CCDC68: variants seen among roughly 807,000 people sequenced by gnomAD.
CCDC68 encodes coiled-coil domain containing 68, also known as coiled-coil domain-containing protein 68.
CCDC68 carries 45 observed loss-of-function variants against 47.1 expected under a neutral mutation model. The ratio of observed to expected loss-of-function variants is 0.96; its 90% CI spans 0.75 to 1.23. CCDC68 has a LOEUF of 1.23. Ranked by LOEUF, CCDC68 falls within the 50% of genes most tolerant of loss-of-function variation. The probability of loss-of-function intolerance (pLI) is 0.00; values close to 1 mark genes in which losing one functional copy is unlikely to be tolerated. For synonymous variants in CCDC68, 131 were observed against 129.5 expected (o/e 1.01, Z -0.08); for missense variants, 353 against 373.6 (o/e 0.94, Z 0.45).
At chr18:54,945,223 G>A (rs2044505770) in intron 2 of CCDC68, among the ~76,000 whole-genome samples, 165 bp downstream of exon 2, 1 of 152,078 alleles carries the variant, frequency 6.6e-6, no homozygotes, top group Admixed American at 6.5e-5. Context: ...AGTCTATAGG[G>A]TTCATTGTAT....
intron 2 of CCDC68, among the ~76,000 whole-genome samples, chr18:54,944,776 T>G (rs545061240): frequency 3.5e-4 from 53 of 152,330 alleles, no homozygotes; most frequent in African/African-American, 1.2e-3. Flanking sequence ...TTTGCAACCC[T>G]TGATGAAGTA....
intron 8 of CCDC68, among the ~76,000 whole-genome samples, chr18:54,920,040 T>C (rs1221359197): frequency 6.6e-6 from 1 of 152,160 alleles, no homozygotes; most frequent in Admixed American, 6.5e-5. Flanking sequence ...TTATTTATAC[T>C]TTCCCAAAGC....
intron 10 of CCDC68, among the ~76,000 whole-genome samples, chr18:54,912,049 T>A (rs1478243109): frequency 1.3e-5 from 2 of 152,234 alleles, no homozygotes; most frequent in Non-Finnish European, 2.9e-5. Flanking sequence ...CTAAGGATAG[T>A]TTATTGACAT....
intron 4 of CCDC68, 26 bp from the exon 5 acceptor site, chr18:54,938,123 G>A: frequency 3.1e-6 from 5 of 1,595,262 alleles, no homozygotes; most frequent in Non-Finnish European, 4.3e-6. Context: ...GAAAATCATA[G>A]ACCTGACTAT....
At chr18:54,956,059 G>A (rs1202758285) in intron 1 of CCDC68, among the ~76,000 whole-genome samples, 1 of 147,814 alleles carries the variant, frequency 6.8e-6, no homozygotes, top group South Asian at 2.2e-4. Context: ...GTGCAATCTT[G>A]GCTCACTGCA....
chr18:54,941,129 C>A, intron 3 of CCDC68, 46 bp from the exon 4 acceptor site: 1 of 1,396,588 alleles, frequency 7.2e-7, no homozygotes, highest in Non-Finnish European at 1.0e-6. Context: ...CATTTAATGC[C>A]AAACGCTTTT....
chr18:54,925,977 T>C (rs1193863302), intron 8 of CCDC68, among the ~76,000 whole-genome samples: 1 of 152,228 alleles, frequency 6.6e-6, no homozygotes, highest in Non-Finnish European at 1.5e-5. Context: ...ATTATTTTCA[T>C]TGGTGGTACC....
At chr18:54,952,779 G>A (rs928116049) in intron 1 of CCDC68, among the ~76,000 whole-genome samples, 2 of 152,200 alleles carry the variant, frequency 1.3e-5, no homozygotes, top group African/African-American at 2.4e-5. Context: ...TTGGGAGGCC[G>A]AGGCGAGCTG....
At chr18:54,944,913 A>T (rs1475556425) in intron 2 of CCDC68, among the ~76,000 whole-genome samples, 3 of 152,196 alleles carry the variant, frequency 2.0e-5, no homozygotes, top group Non-Finnish European at 2.9e-5. Flanking sequence ...TACAGGACCA[A>T]ATGCAACATA....
chr18:54,953,539 C>T (rs12604797), intron 1 of CCDC68, among the ~76,000 whole-genome samples: 127,109 of 145,866 alleles, frequency 0.87, 54,338 homozygotes, highest in East Asian at 0.94. Flanking sequence ...CACACACACA[C>T]ATATATATAT....
At chr18:54,922,758 C>T (rs1378004594) in intron 8 of CCDC68, among the ~76,000 whole-genome samples, 2 of 151,910 alleles carry the variant, frequency 1.3e-5, no homozygotes, top group African/African-American at 4.8e-5. Context: ...GAGGCCAAGG[C>T]GAGTGGATCA....
At chr18:54,956,246 C>T (rs866529361) in intron 1 of CCDC68, among the ~76,000 whole-genome samples, 1 of 152,324 alleles carries the variant, frequency 6.6e-6, no homozygotes, top group Middle Eastern at 3.4e-3. Flanking sequence ...GCTCAGCCTC[C>T]CAAAATGCTG....
At chr18:54,908,409 C>T (rs1364612047) in intron 10 of CCDC68, among the ~76,000 whole-genome samples, 2 of 152,140 alleles carry the variant, frequency 1.3e-5, no homozygotes, top group Non-Finnish European at 2.9e-5. Context: ...TTGGAAGAAA[C>T]AAGTGTCATA....
intron 3 of CCDC68, among the ~76,000 whole-genome samples, chr18:54,941,355 A>G (rs1294000832): frequency 1.3e-5 from 2 of 152,172 alleles, no homozygotes; most frequent in East Asian, 1.9e-4. Flanking sequence ...AAAAATTATT[A>G]GTTAGTAATT....
Position 54,903,018 on chromosome 18 carries a change from C to T in CCDC68, c.*1340G>A, listed in dbSNP as rs1913770320. 6.6e-6 allele frequency: 1 copy of T among 152,054 alleles called. No individual in the cohort carries two copies. Among genetic ancestry groups the T allele is most frequent in the African/African-American group, 2.4e-5 (1 of 41,402 alleles). 9.4% of individuals were successfully genotyped at this position (152,054 alleles called of 1,614,324 possible). On this transcript the variant is annotated 3_prime_UTR_variant, in exon 12 of 12. Transcript: ENST00000591504. Reference sequence around the variant, plus strand: ...TAAATATACCTTCAAAATAAGCAAGCAATAAAAATGTTTCCAAAAATACCA... The same window carrying T: ...TAAATATACCTTCAAAATAAGCAAGTAATAAAAATGTTTCCAAAAATACCA...
In CCDC68 at chr18:54,922,626, G is replaced by T. The variant is rs182723832; in HGVS notation, c.684-3250C>A. On this transcript the variant is annotated intron_variant, in intron 8 of 11. Coordinates refer to ENST00000591504, the MANE Select transcript of CCDC68 (RefSeq NM_025214.3). Reference sequence around the variant, plus strand: ...CAAGCAATCTGGGAGGCCAAGGCGGGTAGATCACTTGAAACCAGGAGTTCA... The same window carrying T: ...CAAGCAATCTGGGAGGCCAAGGCGGTTAGATCACTTGAAACCAGGAGTTCA... Among the ~76,000 whole-genome samples, 3 of 152,194 alleles carry T rather than the reference G, an allele frequency of 2.0e-5. No homozygotes were observed. The East Asian group carries it at 5.8e-4, about 29-fold the overall frequency.
At chr18:54,908,939 G>T (rs980645227) in intron 10 of CCDC68, among the ~76,000 whole-genome samples, 2 of 152,004 alleles carry the variant, frequency 1.3e-5, no homozygotes, top group African/African-American at 4.8e-5. Context: ...TAAACTCCTG[G>T]ACTTGAGCAG....
At chr18:54,946,106 A>C (rs2044520774) in intron 1 of CCDC68, among the ~76,000 whole-genome samples, 1 of 152,254 alleles carries the variant, frequency 6.6e-6, no homozygotes, top group Admixed American at 6.5e-5. Flanking sequence ...ATTCATAAAA[A>C]TGGTTGGAAA....
chr18:54,921,444 G>A lies in CCDC68; in HGVS notation c.684-2068C>T, dbSNP rs1388026820. Among the ~76,000 whole-genome samples the A allele has an allele frequency of 2.0e-5, 3 of 152,186 alleles. No individual in the cohort carries two copies. In the East Asian group the frequency reaches 5.8e-4, roughly 29 times the overall value. ...AAGTTTACAATTTACAATTACAAAA[G>A]AAATTATTGTAATCTTCCAGGACTC... On this transcript the variant is annotated intron_variant, in intron 8 of 11. Transcript: ENST00000591504.
Sources: gnomAD v4.1 joint callset for allele counts (sites outside exome capture counted in the v4.1 genomes callset) on GRCh38, gnomAD v4.1.1 for gene constraint, MANE v1.5 for transcripts, NCBI Gene and HGNC (gene_info 2026-07-23, HGNC 2026-07-21) for gene names.